Variants in BBS9 observed in about 807,000 individuals in gnomAD.
The protein encoded by BBS9 is protein PTHB1.
A neutral mutation model predicts 117.7 loss-of-function variants in BBS9; 89 were observed. That is an observed-to-expected ratio of 0.76 (90% CI 0.64 to 0.90). The LOEUF is 0.90. Among genes scored for constraint, BBS9 ranks in the 40% least tolerant of loss-of-function variants. The pLI is 0.00. For missense variants in BBS9, 982 were observed against 1,042.2 expected (o/e 0.94, Z 0.80); for synonymous variants, 379 against 370.9 (o/e 1.02, Z -0.25).
intron 5 of BBS9, among the ~76,000 whole-genome samples, chr7:33,243,565 C>G (rs536226304): frequency 5.6e-4 from 86 of 152,270 alleles, no homozygotes; most frequent in Non-Finnish European, 9.4e-4. Context: ...TTTAACAAGT[C>G]AGAATATTTA....
chr7:33,530,359 T>C (rs1042185343), intron 20 of BBS9, among the ~76,000 whole-genome samples: 2 of 152,258 alleles, frequency 1.3e-5, no homozygotes, highest in East Asian at 3.8e-4. Flanking sequence ...TGTAGTACTC[T>C]GTATTAACTA....
chr7:33,182,817 G>T (rs959247979), intron 5 of BBS9, among the ~76,000 whole-genome samples: 1 of 152,066 alleles, frequency 6.6e-6, no homozygotes, highest in African/African-American at 2.4e-5. Flanking sequence ...TCAGTTTCTA[G>T]CCTTAATAAA....
intron 19 of BBS9, among the ~76,000 whole-genome samples, chr7:33,472,409 G>A (rs948195897): frequency 2.0e-5 from 3 of 152,186 alleles, no homozygotes; most frequent in African/African-American, 7.2e-5. Context: ...ATGTAGCACT[G>A]ATTTCTTATG....
intron 2 of BBS9, among the ~76,000 whole-genome samples, chr7:33,146,860 A>G (rs1252283047): frequency 6.6e-6 from 1 of 152,024 alleles, no homozygotes; most frequent in Admixed American, 6.6e-5. Context: ...TGTTTTGTTT[A>G]TGTTCTGGTT....
At chr7:33,589,956 G>A (rs1334584786) in intron 21 of BBS9, among the ~76,000 whole-genome samples, 1 of 152,106 alleles carries the variant, frequency 6.6e-6, no homozygotes. Context: ...TTTGGGAGAA[G>A]AGAAGGAACC....
At chr7:33,295,438 A>G (rs1480835061) in intron 9 of BBS9, among the ~76,000 whole-genome samples, 4 of 151,824 alleles carry the variant, frequency 2.6e-5, no homozygotes, top group Admixed American at 6.6e-5. Context: ...TTAAGAAACC[A>G]GATTTTTTTG....
chr7:33,477,684 T>G (rs1337096396), intron 19 of BBS9, among the ~76,000 whole-genome samples: 1 of 152,208 alleles, frequency 6.6e-6, no homozygotes, highest in Non-Finnish European at 1.5e-5. Context: ...TAGTTGTTCT[T>G]CAGTGTCCTG....
intron 1 of BBS9, among the ~76,000 whole-genome samples, chr7:33,139,158 A>C (rs1791053827): frequency 6.6e-6 from 1 of 151,254 alleles, no homozygotes; most frequent in South Asian, 2.1e-4. Context: ...AGGCTGAGGC[A>C]GGAGAATTGC....
Position 33,257,398 on chromosome 7 carries a change from T to C in BBS9, c.605T>C (p.Val202Ala), listed in dbSNP as rs1002790240. ...SFLTVSSCQQVESYKYQVLAF... is the reference protein window; with the variant it reads ...SFLTVSSCQQAESYKYQVLAF... ...CTTACTGTCTCTTCCTGCCAACAAGTGGAAAGTTATAAGTAAGTTTGGATG... is the reference window on the plus strand; with the variant it reads ...CTTACTGTCTCTTCCTGCCAACAAGCGGAAAGTTATAAGTAAGTTTGGATG... The change falls in exon 6 of 23, where the codon GTG becomes GCG. Residue 202 changes from valine to alanine, a missense_variant. Val to Ala is a moderately conservative substitution (Grantham distance 64). Transcript: ENST00000242067. The C allele has an allele frequency of 6.2e-7, 1 of 1,613,574 alleles. No homozygotes were observed. The highest frequency in any genetic ancestry group is 1.3e-5 in the African/African-American group (1 of 74,880).
intron 19 of BBS9, among the ~76,000 whole-genome samples, chr7:33,446,961 C>T (rs765880333): frequency 1.3e-5 from 2 of 152,058 alleles, no homozygotes; most frequent in African/African-American, 2.4e-5. Flanking sequence ...GCAAGTTCTG[C>T]CACCAAGAGA....
intron 21 of BBS9, among the ~76,000 whole-genome samples, chr7:33,593,230 C>T (rs1405885509): frequency 6.6e-6 from 1 of 152,082 alleles, no homozygotes; most frequent in Non-Finnish European, 1.5e-5. Flanking sequence ...CAGAGTGTTC[C>T]AGACATTGAT....
intron 21 of BBS9, among the ~76,000 whole-genome samples, chr7:33,551,791 C>T (rs1854462833): frequency 6.6e-6 from 1 of 152,098 alleles, no homozygotes; most frequent in African/African-American, 2.4e-5. Flanking sequence ...CAGCTGTTGA[C>T]CATTTGTGCC....
intron 19 of BBS9, among the ~76,000 whole-genome samples, chr7:33,404,541 C>G (rs1346763102): frequency 6.6e-6 from 1 of 152,006 alleles, no homozygotes; most frequent in Non-Finnish European, 1.5e-5. Context: ...TTGTAGTCCT[C>G]CTTGAAGAGG....
At chr7:33,194,896 T>C (rs1231562022) in intron 5 of BBS9, among the ~76,000 whole-genome samples, 1 of 152,174 alleles carries the variant, frequency 6.6e-6, no homozygotes, top group East Asian at 1.9e-4. Flanking sequence ...TATGTTGTGG[T>C]ATTGCATTTA....
intron 16 of BBS9, among the ~76,000 whole-genome samples, chr7:33,363,412 T>G (rs1821008037): frequency 6.6e-6 from 1 of 152,200 alleles, no homozygotes; most frequent in Non-Finnish European, 1.5e-5. Flanking sequence ...TTACAATTGA[T>G]TTTCTTATAT....
At chr7:33,196,840 C>G (rs954274162) in intron 5 of BBS9, among the ~76,000 whole-genome samples, 1 of 152,114 alleles carries the variant, frequency 6.6e-6, no homozygotes, top group Non-Finnish European at 1.5e-5. Context: ...GGTCCAAGAC[C>G]TATAAAATAA....
chr7:33,135,972 G>A (rs1166511624), intron 1 of BBS9, among the ~76,000 whole-genome samples: 1 of 151,262 alleles, frequency 6.6e-6, no homozygotes, highest in African/African-American at 2.4e-5. Context: ...TGCCCAGGCT[G>A]GAGTGTAGTG....
At chr7:33,468,255 C>T (rs1182336821) in intron 19 of BBS9, among the ~76,000 whole-genome samples, 1 of 151,934 alleles carries the variant, frequency 6.6e-6, no homozygotes, top group Non-Finnish European at 1.5e-5. Flanking sequence ...TGTCTCAAGC[C>T]CAAATATTTT....
At chr7:33,255,334 G>A (rs1796855678) in intron 5 of BBS9, among the ~76,000 whole-genome samples, 1 of 137,244 alleles carries the variant, frequency 7.3e-6, no homozygotes, top group African/African-American at 2.7e-5. Flanking sequence ...GTTGTATAGT[G>A]TAAGATAAGG....
Sources: allele counts gnomAD v4.1 joint callset (sites outside exome capture counted in the v4.1 genomes callset), GRCh38; gene constraint gnomAD v4.1.1; transcripts MANE v1.5; gene names NCBI Gene and HGNC (gene_info 2026-07-23, HGNC 2026-07-21).